CHRNB2: variants seen among roughly 807,000 people sequenced by gnomAD.
The protein encoded by CHRNB2 is neuronal acetylcholine receptor subunit beta-2.
In CHRNB2, 33 loss-of-function variants were observed where a neutral mutation model predicts 42.7. The ratio of observed to expected loss-of-function variants is 0.77; its 90% CI spans 0.59 to 1.03. The LOEUF is 1.03. CHRNB2 is among the 50% of genes least tolerant of loss of function. The pLI is 0.00. For missense variants in CHRNB2, 603 were observed against 700.9 expected (o/e 0.86, Z 1.58); for synonymous variants, 325 against 292.9 (o/e 1.11, Z -1.12).
chr1:154,576,016 C>T lies in CHRNB2; in HGVS notation c.*84C>T, dbSNP rs1696266907. On this transcript the variant is annotated 3_prime_UTR_variant, in exon 6 of 6. Transcript: ENST00000368476. ...GGGTGGAGGATGGACGAGTGAGCTA[C>T]CAGGAAGAGGGGCGCTGCCCCCACA... is the stretch of plus-strand genomic sequence containing the variant. The T allele has an allele frequency of 6.4e-7, 1 of 1,555,310 alleles. No homozygotes were observed. The highest frequency in any genetic ancestry group is 1.7e-5 in the Admixed American group (1 of 59,916).
At position 154,572,098 on chromosome 1, in the gene CHRNB2, G is replaced by T; in HGVS notation, c.1275G>T (p.Arg425=). 1.3e-6 allele frequency: 2 copies of T among 1,536,806 alleles called. No homozygotes were observed. ...GGGAGCCGTGTGGCTGTGGCCTCCGGGAGGCGGTGGACGGCGTGCGCTTCA... is the reference window on the plus strand; with the variant it reads ...GGGAGCCGTGTGGCTGTGGCCTCCGTGAGGCGGTGGACGGCGTGCGCTTCA... ...RSGEPCGCGL[R]EAVDGVRFIA... The change falls in exon 5 of 6, where the codon CGG becomes CGT. Residue 425 remains arginine (R), a synonymous_variant. Transcript: ENST00000368476.
chr1:154,567,989 C>A lies in CHRNB2; in HGVS notation c.-56C>A. 5 of 1,455,954 alleles carry A rather than the reference C, an allele frequency of 3.4e-6. No homozygotes were observed. In the Middle Eastern group the frequency reaches 6.6e-4, roughly 191 times the overall value. The allele number at this position is 1,455,954 out of a possible 1,614,324, so 90.2% of individuals were successfully genotyped here. A position where few individuals can be genotyped will look rare whatever the true frequency, so the allele number is the denominator to read the frequency against. ...CGGACAGCGCCCCACCCGCGGCCCT[C>A]CCCCCGGCGGCGCGCTCCAGCCGGT... On this transcript the variant is annotated 5_prime_UTR_variant, in exon 1 of 6. Coordinates refer to ENST00000368476, the MANE Select transcript of CHRNB2 (RefSeq NM_000748.3).
In CHRNB2 at chr1:154,571,193, G is replaced by A; in HGVS notation, c.370G>A (p.Asp124Asn). 1 of 1,614,142 alleles carries A rather than the reference G, an allele frequency of 6.2e-7. No individual in the cohort carries two copies. Among genetic ancestry groups the A allele is most frequent in the Non-Finnish European group, 8.5e-7 (1 of 1,180,032 alleles). The change falls in exon 5 of 6, where the codon GAC becomes AAC. Residue 124 changes from aspartate (D) to asparagine (N), a missense_variant. This residue lies in a region of CHRNB2 where 333 missense variants were observed against 452.6 expected (regional missense o/e 0.74). Transcript: ENST00000368476. This position sits in a 1 kb window ranked among gnomAD's most constrained non-coding sequence, Gnocchi z 6.8. The stretch of plus-strand genomic sequence containing the variant: ...ACTGTGCCCATCCTTTGGCAGTGCT[G>A]ACGGCATGTACGAGGTGTCCTTCTA... ...LPDVVLYNNADGMYEVSFYSN... is the reference protein window; with the variant it reads ...LPDVVLYNNANGMYEVSFYSN...
rs145926853 is a variant in CHRNB2, at chr1:154,569,488, C to A, written c.91C>A (p.Arg31=). Residue 31 remains arginine, a synonymous_variant, in exon 2 of 6, where the codon CGG becomes AGG. Coordinates refer to ENST00000368476, the MANE Select transcript of CHRNB2 (RefSeq NM_000748.3). ...GGTGTGGGGTACGGATACAGAGGAG[C>A]GGCTGGTGGAGCATCTCCTGGATCC... is the stretch of plus-strand genomic sequence containing the variant. ...SGVWGTDTEE[R]LVEHLLDPSR... is the part of the protein sequence containing the mutation. 1.7e-5 allele frequency: 28 copies of A among 1,613,774 alleles called. No individual in the cohort carries two copies. Among genetic ancestry groups the A allele is most frequent in the Non-Finnish European group, 2.4e-5 (28 of 1,179,934 alleles).
rs1190101599 is a variant in CHRNB2, at chr1:154,568,031, GCTATGCCCGCGGC to G, written c.-13_-1del. The G allele has an allele frequency of 6.3e-7, 1 of 1,580,062 alleles. No individual in the cohort carries two copies. The highest frequency in any genetic ancestry group is 8.6e-7 in the Non-Finnish European group (1 of 1,166,354). On this transcript the variant is annotated 5_prime_UTR_variant, in exon 1 of 6. An upstream start codon of the reference 5' UTR is lost. Coordinates refer to ENST00000368476, the MANE Select transcript of CHRNB2 (RefSeq NM_000748.3). ...CCAGCCGGTGTAGGCGAGGCAGCGAGCTATGCCCGCGGCATGGCCCGGCGCTGCGGCCCCGTGG... is the reference window on the plus strand; with the variant it reads ...CCAGCCGGTGTAGGCGAGGCAGCGAGATGGCCCGGCGCTGCGGCCCCGTGG...
rs1383779041 is a variant in CHRNB2, at chr1:154,570,243, T to C, written c.256-15T>C. 2 of 1,571,240 alleles carry C rather than the reference T, an allele frequency of 1.3e-6. No homozygotes were observed. Among genetic ancestry groups the C allele is most frequent in the Non-Finnish European group, 1.7e-6 (2 of 1,144,658 alleles). ...AGGGCACAAGTTGGTACTGCCTCCC[T>C]CTCTCATTTCCCAGGAGTGGGAAGA... On this transcript the variant is annotated splice_polypyrimidine_tract_variant and intron_variant, in intron 3 of 5. Coordinates refer to ENST00000368476, the MANE Select transcript of CHRNB2 (RefSeq NM_000748.3).
chr1:154,574,568 G>C (rs1696236408), intron 5 of CHRNB2, among the ~76,000 whole-genome samples: 1 of 150,488 alleles, frequency 6.6e-6, no homozygotes, highest in African/African-American at 2.5e-5. Flanking sequence ...CATGCAGCTG[G>C]TTCTCTCTCA....
intron 3 of CHRNB2, 61 bp from the exon 4 acceptor site, chr1:154,570,197 C>T: frequency 1.7e-6 from 2 of 1,174,966 alleles, no homozygotes; most frequent in Non-Finnish European, 1.3e-6. Context: ...TAGTTCGTTT[C>T]CTTAACCTTG....
chr1:154,572,216 G>T, intron 5 of CHRNB2, 55 bp downstream of exon 5: 1 of 1,532,778 alleles, frequency 6.5e-7, no homozygotes. Flanking sequence ...GCCAGGGCCC[G>T]GGTATCTGGA....
Position 154,567,943 on chromosome 1 carries a change from G to A in CHRNB2, c.-102G>A, listed in dbSNP as rs1030192668. 3.0e-5 allele frequency: 34 copies of A among 1,135,804 alleles called. No individual in the cohort carries two copies. Among genetic ancestry groups the A allele is most frequent in the Non-Finnish European group, 4.0e-5 (34 of 859,814 alleles). The allele number at this position is 1,135,804 out of a possible 1,614,324, so 70.4% of individuals were successfully genotyped here. On this transcript the variant is annotated 5_prime_UTR_variant, in exon 1 of 6. Coordinates refer to ENST00000368476, the MANE Select transcript of CHRNB2 (RefSeq NM_000748.3). ...CGGCACCACCTGGACCCAGCTCCAG[G>A]CGGGCGCGGCTTCAGCACCACGGAC...
intron 5 of CHRNB2, 105 bp from the exon 6 acceptor site, chr1:154,575,657 C>A: frequency 8.9e-7 from 1 of 1,127,428 alleles, no homozygotes; most frequent in Non-Finnish European, 1.3e-6. Flanking sequence ...GGGATCACTG[C>A]AGGAGAGGAG....
At position 154,571,873 on chromosome 1, in the gene CHRNB2, G is replaced by A. The variant is rs747589095; in HGVS notation, c.1050G>A (p.Gln350=). The change falls in exon 5 of 6, where the codon CAG becomes CAA. Residue 350 remains glutamine, a synonymous_variant. Transcript: ENST00000368476. The surrounding 1 kb of genome is among the most constrained non-coding windows in gnomAD (Gnocchi z 6.8). ...AGCTGCCCGCGCTGCTCTTCATGCA[G>A]CAGCCACGCCATCATTGCGCCCGTC... ...LEKLPALLFM[Q]QPRHHCARQR... The A allele has an allele frequency of 3.7e-6, 6 of 1,601,236 alleles. No individual in the cohort carries two copies. The Admixed American group carries it at 8.5e-5, about 23-fold the overall frequency.
chr1:154,568,943 G>A (rs947502002), intron 1 of CHRNB2, among the ~76,000 whole-genome samples: 1 of 151,904 alleles, frequency 6.6e-6, no homozygotes, highest in Non-Finnish European at 1.5e-5. Flanking sequence ...ATGTCATTAC[G>A]TGAGGCACAT....
In CHRNB2 at chr1:154,569,455, T is replaced by G; in HGVS notation, c.65-7T>G. ...GCTTACTTTCGTCCTGCCTTTCCCC[T>G]GCCCAGGGGTGTGGGGTACGGATAC... On this transcript the variant is annotated splice_region_variant and splice_polypyrimidine_tract_variant and intron_variant, in intron 1 of 5. Transcript: ENST00000368476. The G allele has an allele frequency of 6.2e-7, 1 of 1,613,688 alleles. No homozygotes were observed. The highest frequency in any genetic ancestry group is 8.5e-7 in the Non-Finnish European group (1 of 1,179,968).
In CHRNB2 at chr1:154,576,088, C is replaced by A; in HGVS notation, c.*156C>A. ...TGGAGTCCCTCCTCCCCCACGCCTCCATCCACACACAGCAGCTCCAACCTG... is the reference window on the plus strand; with the variant it reads ...TGGAGTCCCTCCTCCCCCACGCCTCAATCCACACACAGCAGCTCCAACCTG... On this transcript the variant is annotated 3_prime_UTR_variant, in exon 6 of 6. Transcript: ENST00000368476. 1 of 880,336 alleles carries A rather than the reference C, an allele frequency of 1.1e-6. No individual in the cohort carries two copies. The highest frequency in any genetic ancestry group is 1.8e-6 in the Non-Finnish European group (1 of 551,212). The allele number at this position is 880,336 out of a possible 1,614,324, so 54.5% of individuals were successfully genotyped here. A position where few individuals can be genotyped will look rare whatever the true frequency, so the allele number is the denominator to read the frequency against.
chr1:154,568,559 A>G (rs1202145782), intron 1 of CHRNB2, among the ~76,000 whole-genome samples: 1 of 151,844 alleles, frequency 6.6e-6, no homozygotes, highest in South Asian at 2.1e-4. Flanking sequence ...GATTCTCGTC[A>G]CCCCTCAGGG....
chr1:154,577,861 C>T lies in CHRNB2; in HGVS notation c.*1929C>T, dbSNP rs1696311869. On this transcript the variant is annotated 3_prime_UTR_variant, in exon 6 of 6. Transcript: ENST00000368476. ...GGCTGAACCCTTGCCCTGGCCCTGC[C>T]TCCCTTCTGGGTCAGCACCTCCTGA... The T allele has an allele frequency of 6.6e-6, 1 of 152,360 alleles. No homozygotes were observed. Among genetic ancestry groups the T allele is most frequent in the Non-Finnish European group, 1.5e-5 (1 of 68,162 alleles). 9.4% of individuals were successfully genotyped at this position (152,360 alleles called of 1,614,324 possible). A position where few individuals can be genotyped will look rare whatever the true frequency, so the allele number is the denominator to read the frequency against.
rs1343441723 is a variant in CHRNB2, at chr1:154,575,915, G to GC, written c.1497dup (p.Ser500GlnfsTer106). The GC allele has an allele frequency of 1.2e-6, 2 of 1,614,130 alleles. No individual in the cohort carries two copies. The highest frequency in any genetic ancestry group is 2.2e-5 in the South Asian group (2 of 91,084). On this transcript the variant is annotated frameshift_variant, in exon 6 of 6. Transcript: ENST00000368476. LOFTEE classifies it high-confidence loss of function. ...CACCTTCCTCCACTCAGACCACTCA[G>GC]CCCCCAGCTCCAAGTGAGGCCCTTC...
In CHRNB2 at chr1:154,567,947, G is replaced by C; in HGVS notation, c.-98G>C. ...ACCACCTGGACCCAGCTCCAGGCGG[G>C]CGCGGCTTCAGCACCACGGACAGCG... On this transcript the variant is annotated 5_prime_UTR_variant, in exon 1 of 6. Transcript: ENST00000368476. The C allele has an allele frequency of 8.6e-7, 1 of 1,168,002 alleles. No homozygotes were observed. The highest frequency in any genetic ancestry group is 3.1e-5 in the East Asian group (1 of 31,828). 72.4% of individuals were successfully genotyped at this position (1,168,002 alleles called of 1,614,324 possible).
Sources: allele counts gnomAD v4.1 joint callset (sites outside exome capture counted in the v4.1 genomes callset), GRCh38; gene constraint gnomAD v4.1.1; regional missense constraint gnomAD v4.1.1; non-coding constraint Gnocchi (gnomAD v3.1); transcripts MANE v1.5; gene names NCBI Gene and HGNC (gene_info 2026-07-23, HGNC 2026-07-21).